The following KCNQ1OT1 variants were observed in gnomAD, a reference collection of about 807,000 sequenced individuals.
KCNQ1OT1 encodes the protein KCNQ1 opposite strand/antisense transcript 1.
exon 1 of KCNQ1OT1, chr11:2,628,123 T>C: frequency 2.5e-6 from 1 of 398,642 alleles, no homozygotes; most frequent in Non-Finnish European, 4.4e-6. Flanking sequence ...CTCTTCAAGA[T>C]ACTGACTTTG....
exon 1 of KCNQ1OT1, chr11:2,609,966 A>G: frequency 5.0e-6 from 2 of 398,000 alleles, no homozygotes; most frequent in Non-Finnish European, 8.9e-6. Context: ...ATCTGGTCTG[A>G]TAATTCCTGC....
chr11:2,684,019 C>T, exon 1 of KCNQ1OT1: 2 of 398,008 alleles, frequency 5.0e-6, no homozygotes, highest in South Asian at 2.6e-4. Context: ...CCTTAGTCAA[C>T]ATCAGCTAAC....
exon 1 of KCNQ1OT1, chr11:2,665,212 G>A (rs16928523): frequency 0.013 from 5,129 of 398,632 alleles, 162 homozygotes; most frequent in East Asian, 0.08. Flanking sequence ...GGCAGAAGCT[G>A]TCTTCCTAGG....
At chr11:2,650,950 T>C (rs1849747573) in exon 1 of KCNQ1OT1, 2 of 397,576 alleles carry the variant, frequency 5.0e-6, no homozygotes, top group Non-Finnish European at 4.4e-6. Context: ...TTTTTCTTAG[T>C]ACCCCTTTCT....
chr11:2,681,095 A>C, exon 1 of KCNQ1OT1: 1 of 398,594 alleles, frequency 2.5e-6, no homozygotes, highest in Non-Finnish European at 4.4e-6. Context: ...TGATGTGGTT[A>C]TTTTTTAAAT....
exon 1 of KCNQ1OT1, chr11:2,625,367 C>T (rs1467339942): frequency 3.0e-5 from 12 of 398,518 alleles, no homozygotes; most frequent in African/African-American, 1.4e-4. Flanking sequence ...GCTATCCTCC[C>T]ACCTTAACCT....
Position 2,642,832 on chromosome 11 carries a change from C to T in KCNQ1OT1, n.57163G>A, listed in dbSNP as rs1318358733. 2 of 397,826 alleles carry T rather than the reference C, an allele frequency of 5.0e-6. No homozygotes were observed. The highest frequency in any genetic ancestry group is 6.3e-4 in the Middle Eastern group (1 of 1,580). The allele number at this position is 397,826 out of a possible 1,614,324, so 24.6% of individuals were successfully genotyped here. A position where few individuals can be genotyped will look rare whatever the true frequency, so the allele number is the denominator to read the frequency against. ...AACTTTCCTCTTAGCATTGCTTTTGCAGTATCCCTTAAGTTTCAGAATGTT... is the reference window on the plus strand; with the variant it reads ...AACTTTCCTCTTAGCATTGCTTTTGTAGTATCCCTTAAGTTTCAGAATGTT... On this transcript the variant is annotated non_coding_transcript_exon_variant, in exon 1 of 1. Transcript: ENST00000597346. This position sits in a 1 kb window ranked among gnomAD's most constrained non-coding sequence, Gnocchi z 4.3.
chr11:2,668,631 T>C lies in KCNQ1OT1; in HGVS notation n.31364A>G, dbSNP rs956865696. 5.0e-6 allele frequency: 2 copies of C among 398,598 alleles called. No homozygotes were observed. Among genetic ancestry groups the C allele is most frequent in the African/African-American group, 4.1e-5 (2 of 48,740 alleles). 24.7% of individuals were successfully genotyped at this position (398,598 alleles called of 1,614,324 possible). A position where few individuals can be genotyped will look rare whatever the true frequency, so the allele number is the denominator to read the frequency against. On this transcript the variant is annotated non_coding_transcript_exon_variant, in exon 1 of 1. Coordinates refer to ENST00000597346, the Ensembl canonical transcript of KCNQ1OT1. The surrounding 1 kb of genome is among the most constrained non-coding windows in gnomAD (Gnocchi z 4.3). ...CTACATCTTCTGCCTGTTTTATGTT[T>C]ATTTATGGTCCTATATATCTTTAGA...
rs1849014742 is a variant in KCNQ1OT1 at position 2,613,553 on chromosome 11, T to C, written n.86442A>G. 2 of 398,468 alleles carry C rather than the reference T, an allele frequency of 5.0e-6. No homozygotes were observed. The highest frequency in any genetic ancestry group is 1.3e-4 in the South Asian group (1 of 7,860). 24.7% of individuals were successfully genotyped at this position (398,468 alleles called of 1,614,324 possible). On this transcript the variant is annotated non_coding_transcript_exon_variant, in exon 1 of 1. Coordinates refer to ENST00000597346, the Ensembl canonical transcript of KCNQ1OT1. The surrounding 1 kb of genome is among the most constrained non-coding windows in gnomAD (Gnocchi z 4.8). ...ACGTTAAATCATAACCCTGCTATTC[T>C]TAGGAAGGCTTAATATTTTTTCTTT...
Position 2,645,151 on chromosome 11 carries a change from G to A in KCNQ1OT1, n.54844C>T, listed in dbSNP as rs535254170. ...AGTAGCAGTGGCAGAACAATCTTCT[G>A]CCTCCCAAGGTGTCCATGCTGGTAT... On this transcript the variant is annotated non_coding_transcript_exon_variant, in exon 1 of 1. Coordinates refer to ENST00000597346, the Ensembl canonical transcript of KCNQ1OT1. The surrounding 1 kb of genome is among the most constrained non-coding windows in gnomAD (Gnocchi z 5.8). 7.5e-5 allele frequency: 30 copies of A among 398,690 alleles called. No homozygotes were observed. In the East Asian group the frequency reaches 1.0e-3, roughly 13 times the overall value. The allele number at this position is 398,690 out of a possible 1,614,324, so 24.7% of individuals were successfully genotyped here.
Position 2,698,497 on chromosome 11 carries a change from ACCTCTCACCTGGCAGGTGATCACCAC to A in KCNQ1OT1, n.1472_1497del, listed in dbSNP as rs1850715456. ...ATATGACCAAGAGACTTCTACCACT[ACCTCTCACCTGGCAGGTGATCACCAC>A]CCCCAACTCAGACTGCAACCTTTAC... On this transcript the variant is annotated non_coding_transcript_exon_variant, in exon 1 of 1. Coordinates refer to ENST00000597346, the Ensembl canonical transcript of KCNQ1OT1. This position sits in a 1 kb window ranked among gnomAD's most constrained non-coding sequence, Gnocchi z 5.1. 2.5e-6 allele frequency: 1 copy of A among 398,208 alleles called. No homozygotes were observed. The highest frequency in any genetic ancestry group is 2.1e-5 in the African/African-American group (1 of 48,486). 24.7% of individuals were successfully genotyped at this position (398,208 alleles called of 1,614,324 possible).
chr11:2,664,773 T>TG lies in KCNQ1OT1; in HGVS notation n.35221dup. The TG allele has an allele frequency of 2.5e-6, 1 of 398,548 alleles. No individual in the cohort carries two copies. Among genetic ancestry groups the TG allele is most frequent in the Non-Finnish European group, 4.4e-6 (1 of 226,100 alleles). The allele number at this position is 398,548 out of a possible 1,614,324, so 24.7% of individuals were successfully genotyped here. ...TGCTGGGGTCTCACAGGGGGCAGAG[T>TG]GGGTGGGAGGCAGTTACCAAAAAAC... On this transcript the variant is annotated non_coding_transcript_exon_variant, in exon 1 of 1. Transcript: ENST00000597346. This position sits in a 1 kb window ranked among gnomAD's most constrained non-coding sequence, Gnocchi z 5.1.
chr11:2,668,133 A>G lies in KCNQ1OT1; in HGVS notation n.31862T>C. On this transcript the variant is annotated non_coding_transcript_exon_variant, in exon 1 of 1. Transcript: ENST00000597346. This position sits in a 1 kb window ranked among gnomAD's most constrained non-coding sequence, Gnocchi z 4.3. ...CAATTTGATGTCTGGCAGCCTCTCTATGGGGCTGAAGGGAGAGTGCTCCCT... is the reference window on the plus strand; with the variant it reads ...CAATTTGATGTCTGGCAGCCTCTCTGTGGGGCTGAAGGGAGAGTGCTCCCT... 3 of 398,544 alleles carry G rather than the reference A, an allele frequency of 7.5e-6. No individual in the cohort carries two copies. The highest frequency in any genetic ancestry group is 1.3e-5 in the Non-Finnish European group (3 of 226,064). 24.7% of individuals were successfully genotyped at this position (398,544 alleles called of 1,614,324 possible).
rs1850316361 is a variant in KCNQ1OT1, at chr11:2,677,619, A to G, written n.22376T>C. On this transcript the variant is annotated non_coding_transcript_exon_variant, in exon 1 of 1. Transcript: ENST00000597346. This position sits in a 1 kb window ranked among gnomAD's most constrained non-coding sequence, Gnocchi z 4.5. ...CCCTCTGGATTTGTTTTTTTCTAAA[A>G]CGTGTACATAATTGTAACTCTAACA... The G allele has an allele frequency of 2.5e-6, 1 of 398,532 alleles. No individual in the cohort carries two copies. The highest frequency in any genetic ancestry group is 2.1e-5 in the African/African-American group (1 of 48,652). 24.7% of individuals were successfully genotyped at this position (398,532 alleles called of 1,614,324 possible). A position where few individuals can be genotyped will look rare whatever the true frequency, so the allele number is the denominator to read the frequency against.
exon 1 of KCNQ1OT1, chr11:2,610,750 T>TTTTTTTTTTTTTTTTTTTTTTGG: frequency 2.7e-6 from 1 of 376,842 alleles, no homozygotes. Flanking sequence ...TTTTTTACTT[T>TTTTTTTTTTTTTTTTTTTTTTGG]GAGCACTTGG....
At chr11:2,636,474 T>C (rs1849466692) in exon 1 of KCNQ1OT1, 1 of 152,250 alleles carries the variant, frequency 6.6e-6, no homozygotes, top group African/African-American at 2.4e-5. Flanking sequence ...TCTGTTTATA[T>C]GCTGGATAAT....
At chr11:2,638,079 C>T (rs919215337) in exon 1 of KCNQ1OT1, 33 of 152,150 alleles carry the variant, frequency 2.2e-4, no homozygotes, top group Non-Finnish European at 3.8e-4. Context: ...TGTCTCTGCA[C>T]GTGAGATGGG....
exon 1 of KCNQ1OT1, chr11:2,688,007 TC>T (rs942886533): frequency 5.0e-6 from 2 of 398,384 alleles, no homozygotes; most frequent in African/African-American, 4.1e-5. Context: ...GAGGGAGGGG[TC>T]AGCACCCCTC....
At chr11:2,648,037 A>G in exon 1 of KCNQ1OT1, 1 of 391,416 alleles carries the variant, frequency 2.6e-6, no homozygotes, top group Non-Finnish European at 4.5e-6. Flanking sequence ...AACATGGCAA[A>G]CCCCCATCTC....
Sources: allele counts gnomAD v4.1 joint callset, GRCh38; gene constraint gnomAD v4.1.1; non-coding constraint Gnocchi (gnomAD v3.1); transcripts MANE v1.5; gene names NCBI Gene and HGNC (gene_info 2026-07-23, HGNC 2026-07-21).